Variants in SYNJ2 observed in about 807,000 individuals in gnomAD.
SYNJ2 encodes the protein synaptojanin 2.
SYNJ2 carries 116 observed loss-of-function variants against 141.3 expected under a neutral mutation model. The ratio of observed to expected loss-of-function variants is 0.82; its 90% CI spans 0.71 to 0.96. The LOEUF (loss-of-function observed/expected upper bound fraction) is 0.96, where lower values mean the gene tolerates loss of function less well. Among genes scored for constraint, SYNJ2 ranks in the 40% least tolerant of loss-of-function variants. SYNJ2 has a pLI of 0.00. For missense variants in SYNJ2, 1,873 were observed against 1,934.8 expected (o/e 0.97, Z 0.60); for synonymous variants, 745 against 777.7 (o/e 0.96, Z 0.70).
chr6:158,097,384 A>G lies in SYNJ2; in HGVS notation c.*1020A>G, dbSNP rs901518634. On this transcript the variant is annotated 3_prime_UTR_variant, in exon 27 of 27. Coordinates refer to ENST00000355585, the MANE Select transcript of SYNJ2 (RefSeq NM_003898.4). ...ATATGTTTGTCTATATTTTTTGCCTATACATTTTTCCCACGTTTCCAACAG... is the reference window on the plus strand; with the variant it reads ...ATATGTTTGTCTATATTTTTTGCCTGTACATTTTTCCCACGTTTCCAACAG... 4.6e-5 allele frequency: 7 copies of G among 152,180 alleles called. No homozygotes were observed. Among genetic ancestry groups the G allele is most frequent in the African/African-American group, 1.7e-4 (7 of 41,444 alleles). The allele number at this position is 152,180 out of a possible 1,614,324, so 9.4% of individuals were successfully genotyped here.
chr6:158,063,526 G>C (rs971315587), intron 8 of SYNJ2, among the ~76,000 whole-genome samples: 1 of 151,970 alleles, frequency 6.6e-6, no homozygotes, highest in Non-Finnish European at 1.5e-5. Context: ...GGGTGTGATG[G>C]CACGCACCTG....
At position 158,062,181 on chromosome 6, in the gene SYNJ2, A is replaced by G. The variant is rs763585849; in HGVS notation, c.1127+17A>G. The G allele has an allele frequency of 3.7e-6, 6 of 1,606,832 alleles. No homozygotes were observed. The highest frequency in any genetic ancestry group is 5.1e-6 in the Non-Finnish European group (6 of 1,176,338). ...CAGTCCACGGTGAGGCTCGCTGCGC[A>G]CTGTGCCGCGTCTTCTGCTGGGGGG... On this transcript the variant is annotated intron_variant, in intron 8 of 26. Transcript: ENST00000355585.
chr6:157,987,488 G>A (rs1373797576), intron 1 of SYNJ2, among the ~76,000 whole-genome samples: 3 of 151,436 alleles, frequency 2.0e-5, no homozygotes, highest in East Asian at 2.0e-4. Flanking sequence ...TGTAACCTCC[G>A]CCTCCCAGGT....
At chr6:158,069,764 C>A in intron 14 of SYNJ2, 91 bp downstream of exon 14, 1 of 1,417,020 alleles carries the variant, frequency 7.1e-7, no homozygotes, top group South Asian at 1.7e-5. Context: ...CCCCCATCCC[C>A]TTCTGTAACA....
chr6:157,992,285 C>G (rs1777470254), intron 1 of SYNJ2, among the ~76,000 whole-genome samples: 1 of 152,120 alleles, frequency 6.6e-6, no homozygotes, highest in Non-Finnish European at 1.5e-5. Flanking sequence ...CGCTACCCTT[C>G]CTAGCCTCTG....
At chr6:158,064,544 T>G in intron 9 of SYNJ2, 57 bp from the exon 10 acceptor site, 2 of 1,594,594 alleles carry the variant, frequency 1.3e-6, no homozygotes, top group Non-Finnish European at 1.7e-6. Flanking sequence ...CCTGGGACAG[T>G]GGCTGCAGGG....
intron 5 of SYNJ2, among the ~76,000 whole-genome samples, chr6:158,046,832 T>C (rs1357802265): frequency 6.6e-6 from 1 of 152,180 alleles, no homozygotes; most frequent in Non-Finnish European, 1.5e-5. Context: ...AGTTCGAGAA[T>C]CTATTTATGA....
At chr6:158,055,957 A>G (rs952231066) in intron 6 of SYNJ2, among the ~76,000 whole-genome samples, 3 of 152,236 alleles carry the variant, frequency 2.0e-5, no homozygotes, top group African/African-American at 7.2e-5. Flanking sequence ...TTCAGTTGAC[A>G]TTCATCTATA....
At chr6:158,056,098 A>G (rs932474118) in intron 6 of SYNJ2, among the ~76,000 whole-genome samples, 5 of 152,216 alleles carry the variant, frequency 3.3e-5, no homozygotes, top group Non-Finnish European at 7.3e-5. Flanking sequence ...AAACAAACAA[A>G]AAACAAAAAT....
At chr6:158,059,379 G>T (rs1338066222) in intron 7 of SYNJ2, 26 bp downstream of exon 7, 2 of 1,547,706 alleles carry the variant, frequency 1.3e-6, no homozygotes, top group Non-Finnish European at 1.7e-6. Flanking sequence ...CCTCTCCACA[G>T]CTGGGCTGGG....
In SYNJ2 at chr6:158,096,393, T is replaced by C. The variant is rs775634941; in HGVS notation, c.*29T>C. 6 of 1,551,272 alleles carry C rather than the reference T, an allele frequency of 3.9e-6. No individual in the cohort carries two copies. In the Admixed American group the frequency reaches 5.9e-5, roughly 15 times the overall value. On this transcript the variant is annotated 3_prime_UTR_variant, in exon 27 of 27. Coordinates refer to ENST00000355585, the MANE Select transcript of SYNJ2 (RefSeq NM_003898.4). The stretch of plus-strand genomic sequence containing the variant: ...AGCAGCTTTGAAGGCTGCAGTCCTA[T>C]AGAATGCATACCTTCCTCCCTCTAG...
In SYNJ2 at chr6:158,095,705, G is replaced by T. The variant is rs199955411; in HGVS notation, c.3832G>T (p.Val1278Leu). 1 of 1,614,026 alleles carries T rather than the reference G, an allele frequency of 6.2e-7. No individual in the cohort carries two copies. Among genetic ancestry groups the T allele is most frequent in the Non-Finnish European group, 8.5e-7 (1 of 1,180,040 alleles). ...PETSVEAPPV[V>L]TAPRVPPVPK... The stretch of plus-strand genomic sequence containing the variant: ...GACAAGCGTTGAGGCCCCTCCTGTC[G>T]TGACAGCCCCTCGAGTCCCTCCTGT... Residue 1278 changes from valine to leucine, a missense_variant, in exon 27 of 27, where the codon GTG (valine) becomes TTG (leucine). Transcript: ENST00000355585.
At position 158,074,646 on chromosome 6, in the gene SYNJ2, A is replaced by G; in HGVS notation, c.2200A>G (p.Thr734Ala). The stretch of plus-strand genomic sequence containing the variant: ...CGATTTCAACTACCGCATTGATCTT[A>G]CTTATGAAGAAGTCTTCTATTTTGT... ...CGDFNYRIDL[T>A]YEEVFYFVKR... The change falls in exon 16 of 27, where the codon ACT becomes GCT. Residue 734 changes from threonine (T) to alanine (A), a missense_variant. By Grantham distance (58) the Thr-to-Ala change is moderately conservative. Coordinates refer to ENST00000355585, the MANE Select transcript of SYNJ2 (RefSeq NM_003898.4). 1 of 1,614,106 alleles carries G rather than the reference A, an allele frequency of 6.2e-7. No homozygotes were observed. The highest frequency in any genetic ancestry group is 8.5e-7 in the Non-Finnish European group (1 of 1,180,014).
intron 3 of SYNJ2, among the ~76,000 whole-genome samples, chr6:158,031,090 C>T (rs1583356137): frequency 2.0e-5 from 3 of 152,150 alleles, no homozygotes; most frequent in Non-Finnish European, 4.4e-5. Flanking sequence ...TCGCTGGTTA[C>T]ATTTTGCAGG....
In SYNJ2 at chr6:158,084,161, T is replaced by C; in HGVS notation, c.3195T>C (p.His1065=). The C allele has an allele frequency of 6.2e-7, 1 of 1,613,958 alleles. No individual in the cohort carries two copies. The highest frequency in any genetic ancestry group is 8.5e-7 in the Non-Finnish European group (1 of 1,179,946). ...KSPALTKKKQ[H]PTYKDDADLV... is the part of the protein sequence containing the mutation. The stretch of plus-strand genomic sequence containing the variant: ...CTGCTCTCACCAAAAAGAAGCAGCA[T>C]CCAACGTACAAAGGTAGCCTGACCC... Residue 1065 remains histidine (H), a synonymous_variant, in exon 22 of 27, where the codon CAT becomes CAC. Coordinates refer to ENST00000355585, the MANE Select transcript of SYNJ2 (RefSeq NM_003898.4). The surrounding 1 kb of genome is among the most constrained non-coding windows in gnomAD (Gnocchi z 5.0).
At chr6:158,091,316 A>C (rs1015534737) in intron 25 of SYNJ2, among the ~76,000 whole-genome samples, 6 of 151,886 alleles carry the variant, frequency 4.0e-5, no homozygotes, top group Non-Finnish European at 8.8e-5. Flanking sequence ...ACTCCGTCTC[A>C]AAAAAAGAAA....
chr6:158,071,244 G>A lies in SYNJ2; in HGVS notation c.1941-358G>A, dbSNP rs536083777. Among the ~76,000 whole-genome samples the A allele has an allele frequency of 5.9e-5, 9 of 152,292 alleles. No individual in the cohort carries two copies. The South Asian group carries it at 1.0e-3, about 18-fold the overall frequency. On this transcript the variant is annotated intron_variant, in intron 14 of 26. Coordinates refer to ENST00000355585, the MANE Select transcript of SYNJ2 (RefSeq NM_003898.4). This position sits in a 1 kb window ranked among gnomAD's most constrained non-coding sequence, Gnocchi z 4.3. Reference sequence around the variant, plus strand: ...CCAGATGACACCTCCCATGCATGGCGTGATGGCTGCACAGGAGTGGGGTGG... The same window carrying A: ...CCAGATGACACCTCCCATGCATGGCATGATGGCTGCACAGGAGTGGGGTGG...
At chr6:158,088,805 G>T (rs1384689088) in intron 24 of SYNJ2, 33 bp downstream of exon 24, 5 of 1,517,776 alleles carry the variant, frequency 3.3e-6, no homozygotes, top group Admixed American at 1.7e-5. Context: ...CAATCCCAAG[G>T]GTTTTGCCCC....
intron 2 of SYNJ2, among the ~76,000 whole-genome samples, chr6:158,020,252 ACTCTGACTGTGTGACCCCCACCTGCG>A (rs1583329964): frequency 2.3e-5 from 3 of 131,446 alleles, no homozygotes; most frequent in African/African-American, 1.0e-4. Context: ...CACCTGCGTG[ACTCTGACTGTGTGACCCCCACCTGCG>A]TGACTCCGAC....
Sources: gnomAD v4.1 joint callset for allele counts (sites outside exome capture counted in the v4.1 genomes callset) on GRCh38, gnomAD v4.1.1 for gene constraint, Gnocchi (gnomAD v3.1) non-coding constraint, MANE v1.5 for transcripts, NCBI Gene and HGNC (gene_info 2026-07-23, HGNC 2026-07-21) for gene names.